Variants in PSMC1 observed in about 807,000 individuals in gnomAD.
The protein encoded by PSMC1 is 26S proteasome regulatory subunit 4.
Under a neutral mutation model 49.8 loss-of-function variants are expected in PSMC1, and 5 were observed. That is an observed-to-expected ratio of 0.10 (90% CI 0.05 to 0.21). PSMC1 has a LOEUF of 0.21. Among genes scored for constraint, PSMC1 ranks in the 10% least tolerant of loss-of-function variants. The pLI is 1.00. For missense variants in PSMC1, 181 were observed against 535.7 expected, an observed-to-expected ratio of 0.34 and a Z score of 6.54; for synonymous variants, 155 against 192.1, an observed-to-expected ratio of 0.81 and a Z score of 1.60.
chr14:90,264,998 A>G (rs954140234), intron 6 of PSMC1, 72 bp from the exon 7 acceptor site: 1 of 1,121,316 alleles, frequency 8.9e-7, no homozygotes. Flanking sequence ...AAAGCAAGAT[A>G]TTGTCATGTT....
chr14:90,268,158 C>G, intron 7 of PSMC1, 66 bp from the exon 8 acceptor site: 4 of 1,335,676 alleles, frequency 3.0e-6, no homozygotes, highest in Non-Finnish European at 4.0e-6. Flanking sequence ...GGTAATGATA[C>G]GAGTTTTTAA....
chr14:90,268,590 CTG>C (rs1020961703), intron 8 of PSMC1, 177 bp downstream of exon 8: 4 of 619,832 alleles, frequency 6.5e-6, no homozygotes, highest in Non-Finnish European at 1.1e-5. Context: ...TGCCCAGTAA[CTG>C]TGAACGTCTG....
intron 10 of PSMC1, 58 bp downstream of exon 10, chr14:90,270,410 G>A: frequency 1.3e-6 from 2 of 1,552,696 alleles, no homozygotes; most frequent in Non-Finnish European, 1.7e-6. Flanking sequence ...TCAGGAAAGA[G>A]TCTATATGTG....
chr14:90,257,017 T>A (rs950608534), intron 1 of PSMC1, among the ~76,000 whole-genome samples: 3 of 152,058 alleles, frequency 2.0e-5, no homozygotes, highest in African/African-American at 7.2e-5. Context: ...GTGGGATTCA[T>A]TCCACCTGAG....
intron 8 of PSMC1, 189 bp from the exon 9 acceptor site, chr14:90,269,208 G>C: frequency 1.7e-6 from 1 of 581,232 alleles, no homozygotes; most frequent in Non-Finnish European, 3.0e-6. Context: ...CATAAATTTG[G>C]GGAAATACAT....
intron 1 of PSMC1, among the ~76,000 whole-genome samples, chr14:90,257,501 G>A (rs1245845831): frequency 6.6e-6 from 1 of 152,198 alleles, no homozygotes; most frequent in Non-Finnish European, 1.5e-5. Context: ...GGGAAATGTG[G>A]TCAAGGCAGA....
rs1891709503 is a variant in PSMC1 at position 90,273,025 on chromosome 14, G to C, written c.*618G>C. 2.0e-5 allele frequency: 3 copies of C among 152,180 alleles called. No individual in the cohort carries two copies. Among genetic ancestry groups the C allele is most frequent in the African/African-American group, 7.2e-5 (3 of 41,438 alleles). The allele number at this position is 152,180 out of a possible 1,614,324, so 9.4% of individuals were successfully genotyped here. A position where few individuals can be genotyped will look rare whatever the true frequency, so the allele number is the denominator to read the frequency against. ...AAGCCCTTCTGAGCCCTTGGGCTCA[G>C]AAATCTCATCCCTTTCAAGGTGTTC... On this transcript the variant is annotated 3_prime_UTR_variant, in exon 11 of 11. Coordinates refer to ENST00000261303, the MANE Select transcript of PSMC1 (RefSeq NM_002802.3).
chr14:90,257,985 G>A (rs1275573728), intron 1 of PSMC1, among the ~76,000 whole-genome samples: 1 of 152,186 alleles, frequency 6.6e-6, no homozygotes, highest in East Asian at 1.9e-4. Context: ...TTCCCTCGAG[G>A]TAATTACTAC....
At chr14:90,257,127 C>T (rs889948895) in intron 1 of PSMC1, among the ~76,000 whole-genome samples, 1 of 152,074 alleles carries the variant, frequency 6.6e-6, no homozygotes, top group African/African-American at 2.4e-5. Context: ...ACGGAAAGGG[C>T]CCGTGGTGCA....
At chr14:90,260,823 C>T (rs1341981259) in intron 3 of PSMC1, among the ~76,000 whole-genome samples, 2 of 152,192 alleles carry the variant, frequency 1.3e-5, no homozygotes, top group African/African-American at 4.8e-5. Context: ...ACCCAGGAGG[C>T]AGATTGCAGT....
chr14:90,270,866 C>T (rs757074300), intron 10 of PSMC1: 1 of 152,326 alleles, frequency 6.6e-6, no homozygotes, highest in Non-Finnish European at 1.5e-5. Flanking sequence ...TGGGTTCTAC[C>T]TGCTTTTCCT....
chr14:90,260,827 T>C (rs964074289), intron 3 of PSMC1, among the ~76,000 whole-genome samples: 1 of 152,240 alleles, frequency 6.6e-6, no homozygotes, highest in South Asian at 2.1e-4. Context: ...AGGAGGCAGA[T>C]TGCAGTGAGC....
rs1891737019 is a variant in PSMC1, at chr14:90,274,089, C to G, written c.*1682C>G. The G allele has an allele frequency of 1.9e-5, 3 of 154,790 alleles. No homozygotes were observed. Among genetic ancestry groups the G allele is most frequent in the African/African-American group, 2.4e-5 (1 of 41,320 alleles). 9.6% of individuals were successfully genotyped at this position (154,790 alleles called of 1,614,324 possible). The stretch of plus-strand genomic sequence containing the variant: ...GCGCCACTCTGCCTACCACAGAGGA[C>G]ATCCACACGTGGGGGTGGCCCAGTG... On this transcript the variant is annotated 3_prime_UTR_variant, in exon 11 of 11. Coordinates refer to ENST00000261303, the MANE Select transcript of PSMC1 (RefSeq NM_002802.3).
intron 3 of PSMC1, among the ~76,000 whole-genome samples, chr14:90,261,863 T>C (rs758728765): frequency 6.6e-6 from 1 of 150,606 alleles, no homozygotes; most frequent in African/African-American, 2.4e-5. Context: ...GTATGTTTAT[T>C]GCGGCACTAT....
At chr14:90,259,361 A>G (rs1249426709) in intron 2 of PSMC1, 148 bp downstream of exon 2, 1 of 635,966 alleles carries the variant, frequency 1.6e-6, no homozygotes, top group Non-Finnish European at 2.6e-6. Flanking sequence ...GATACAATAA[A>G]TATGCTTTTC....
intron 3 of PSMC1, among the ~76,000 whole-genome samples, chr14:90,260,640 G>A (rs947647223): frequency 6.6e-6 from 1 of 152,172 alleles, no homozygotes; most frequent in Non-Finnish European, 1.5e-5. Context: ...GCTGAGGCAG[G>A]AGAATGGCAT....
intron 7 of PSMC1, among the ~76,000 whole-genome samples, 177 bp downstream of exon 7, chr14:90,265,343 G>GA (rs34260220): frequency 0.041 from 5,223 of 126,762 alleles, 119 homozygotes; most frequent in Non-Finnish European, 0.057. Context: ...AATACTGATG[G>GA]AAAAAAAAAA....
At position 90,275,279 on chromosome 14, in the gene PSMC1, C is replaced by T. The variant is rs1386558652; in HGVS notation, c.*2872C>T. On this transcript the variant is annotated 3_prime_UTR_variant, in exon 11 of 11. Transcript: ENST00000261303. ...TGGGCCTGAGGACCTGCTAGGAGTA[C>T]TGCGTCCATGCTGACTTCCTGTTCA... 3.3e-5 allele frequency: 5 copies of T among 152,316 alleles called. No homozygotes were observed. The East Asian group carries it at 9.6e-4, about 29-fold the overall frequency. The allele number at this position is 152,316 out of a possible 1,614,324, so 9.4% of individuals were successfully genotyped here.
intron 3 of PSMC1, among the ~76,000 whole-genome samples, chr14:90,260,726 C>T (rs186471071): frequency 1.5e-4 from 23 of 151,756 alleles, no homozygotes; most frequent in African/African-American, 4.8e-4. Context: ...AGCGAGACTC[C>T]GTCTCAAAAA....
Sources: allele counts gnomAD v4.1 joint callset (sites outside exome capture counted in the v4.1 genomes callset), GRCh38; gene constraint gnomAD v4.1.1; transcripts MANE v1.5; gene names NCBI Gene and HGNC (gene_info 2026-07-23, HGNC 2026-07-21).